DLEU7: variants seen among roughly 807,000 people sequenced by gnomAD.
DLEU7 encodes leukemia-associated protein 7.
In DLEU7, 17 loss-of-function variants were observed where a neutral mutation model predicts 16.0. The observed-to-expected ratio is 1.06, with a 90% confidence interval of 0.73 to 1.59. The LOEUF (loss-of-function observed/expected upper bound fraction) is 1.59. Among genes scored for constraint, DLEU7 ranks in the 40% most tolerant of loss-of-function variants. DLEU7 has a pLI of 0.00. For missense variants in DLEU7, 308 were observed against 314.9 expected, an observed-to-expected ratio of 0.98 and a Z score of 0.17; for synonymous variants, 113 against 139.8, an observed-to-expected ratio of 0.81 and a Z score of 1.35.
At chr13:50,789,263 C>T (rs1482547706) in intron 1 of DLEU7, among the ~76,000 whole-genome samples, 1 of 150,628 alleles carries the variant, frequency 6.6e-6, no homozygotes, top group Non-Finnish European at 1.5e-5. Flanking sequence ...GCCTAAGTTC[C>T]CGAGTTCTTA....
intron 1 of DLEU7, among the ~76,000 whole-genome samples, chr13:50,787,818 G>C (rs551488987): frequency 4.7e-4 from 72 of 151,702 alleles, no homozygotes; most frequent in African/African-American, 1.7e-3. Context: ...GATGGACTCT[G>C]TGGCCTCACT....
At chr13:50,782,495 C>T (rs1875682195) in intron 1 of DLEU7, among the ~76,000 whole-genome samples, 1 of 152,160 alleles carries the variant, frequency 6.6e-6, no homozygotes, top group Non-Finnish European at 1.5e-5. Flanking sequence ...GTCCAAGAAG[C>T]TATTGCGACC....
intron 1 of DLEU7, among the ~76,000 whole-genome samples, chr13:50,791,746 C>T (rs1875964969): frequency 6.6e-6 from 1 of 152,140 alleles, no homozygotes; most frequent in Non-Finnish European, 1.5e-5. Flanking sequence ...AAAGAAACCA[C>T]AGCAAATGAC....
intron 1 of DLEU7, among the ~76,000 whole-genome samples, chr13:50,737,031 A>C (rs1008364807): frequency 6.6e-6 from 1 of 152,142 alleles, no homozygotes; most frequent in Non-Finnish European, 1.5e-5. Flanking sequence ...CAGGAAAAAA[A>C]TTATCCAACA....
At chr13:50,743,755 A>C (rs1337523190) in intron 1 of DLEU7, among the ~76,000 whole-genome samples, 1 of 152,198 alleles carries the variant, frequency 6.6e-6, no homozygotes, top group East Asian at 1.9e-4. Context: ...TTTTGTTTTC[A>C]AGGTTTGTTC....
At chr13:50,773,894 A>G (rs1413629602) in intron 1 of DLEU7, among the ~76,000 whole-genome samples, 1 of 152,182 alleles carries the variant, frequency 6.6e-6, no homozygotes. Context: ...GAGTCTACAG[A>G]GGCAGGCAGG....
intron 1 of DLEU7, among the ~76,000 whole-genome samples, chr13:50,798,593 T>C (rs1423673186): frequency 6.6e-6 from 1 of 152,162 alleles, no homozygotes; most frequent in East Asian, 1.9e-4. Flanking sequence ...GCCTGGGGAC[T>C]CTTTGTACTA....
intron 1 of DLEU7, among the ~76,000 whole-genome samples, chr13:50,755,965 G>T (rs1874745737): frequency 6.6e-6 from 1 of 152,104 alleles, no homozygotes; most frequent in Non-Finnish European, 1.5e-5. Flanking sequence ...GAGCCAAGCT[G>T]CAATGATTGT....
chr13:50,823,722 TG>T (rs1876991467), intron 1 of DLEU7, among the ~76,000 whole-genome samples: 1 of 152,180 alleles, frequency 6.6e-6, no homozygotes, highest in Admixed American at 6.5e-5. Flanking sequence ...CCAATCACAG[TG>T]TGGACTGATC....
At chr13:50,809,708 G>A (rs1876505513) in intron 1 of DLEU7, among the ~76,000 whole-genome samples, 1 of 152,036 alleles carries the variant, frequency 6.6e-6, no homozygotes, top group South Asian at 2.1e-4. Context: ...TCTTTTTGGT[G>A]GATCCAGTGC....
chr13:50,810,185 GAAA>G lies in DLEU7; in HGVS notation c.459+33000_459+33002del, dbSNP rs5803535. Among the ~76,000 whole-genome samples the G allele has an allele frequency of 6.2e-5, 8 of 129,960 alleles. No individual in the cohort carries two copies. The East Asian group carries it at 9.2e-4, about 15-fold the overall frequency. The allele number at this position is 129,960 out of a possible 152,430, so 85.3% of individuals were successfully genotyped here. On this transcript the variant is annotated intron_variant, in intron 1 of 1. Transcript: ENST00000400393. ...TATACTTTCCGGAAAAGAAATTCTG[GAAA>G]AAAAAAAAAAAAAAGCTAAAAAGCT...
At chr13:50,769,935 ATTTG>A (rs1875244898) in intron 1 of DLEU7, among the ~76,000 whole-genome samples, 1 of 152,146 alleles carries the variant, frequency 6.6e-6, no homozygotes, top group Non-Finnish European at 1.5e-5. Context: ...ATGTTCTTCC[ATTTG>A]TTTGTGTCCT....
intron 1 of DLEU7, among the ~76,000 whole-genome samples, chr13:50,736,487 T>C (rs1178148372): frequency 6.6e-6 from 1 of 152,104 alleles, no homozygotes. Context: ...TCTGCACATA[T>C]ACGCAGAACC....
intron 1 of DLEU7, among the ~76,000 whole-genome samples, chr13:50,787,981 T>C (rs1385878197): frequency 6.6e-6 from 1 of 152,174 alleles, no homozygotes; most frequent in South Asian, 2.1e-4. Flanking sequence ...GCCAGTAGCC[T>C]ACATTTCCCT....
intron 1 of DLEU7, among the ~76,000 whole-genome samples, chr13:50,833,307 T>G (rs1314387169): frequency 6.6e-6 from 1 of 152,188 alleles, no homozygotes; most frequent in Non-Finnish European, 1.5e-5. Context: ...CCCCATCATC[T>G]CAGCCCAAAA....
intron 1 of DLEU7, among the ~76,000 whole-genome samples, chr13:50,759,995 C>A (rs1008412576): frequency 2.0e-5 from 3 of 152,196 alleles, no homozygotes; most frequent in African/African-American, 7.2e-5. Flanking sequence ...AGTGTCAGCT[C>A]TACCTGGTTC....
chr13:50,722,200 CT>C (rs1267612924), intron 1 of DLEU7, among the ~76,000 whole-genome samples: 3 of 152,154 alleles, frequency 2.0e-5, no homozygotes, highest in African/African-American at 7.2e-5. Context: ...ATGTGACATG[CT>C]TTGGTGTAAA....
chr13:50,767,321 T>C (rs1875146639), intron 1 of DLEU7, among the ~76,000 whole-genome samples: 1 of 151,986 alleles, frequency 6.6e-6, no homozygotes, highest in Admixed American at 6.6e-5. Context: ...CCGGGCGTGG[T>C]GGCGGGCGCC....
chr13:50,752,506 G>C (rs111944633), intron 1 of DLEU7, among the ~76,000 whole-genome samples: 96 of 152,138 alleles, frequency 6.3e-4, no homozygotes, highest in South Asian at 2.1e-3. Context: ...GGACCCTCGC[G>C]GTGAGTGTTA....
Sources: allele counts gnomAD v4.1 joint callset (sites outside exome capture counted in the v4.1 genomes callset), GRCh38; gene constraint gnomAD v4.1.1; transcripts MANE v1.5; gene names NCBI Gene and HGNC (gene_info 2026-07-23, HGNC 2026-07-21).